Variants in DOCK3 observed in about 807,000 individuals in gnomAD.
DOCK3 encodes dedicator of cytokinesis protein 3.
In DOCK3, 60 loss-of-function variants were observed where a neutral mutation model predicts 265.6. The observed-to-expected ratio is 0.23, with a 90% CI of 0.18 to 0.28. DOCK3 has a LOEUF of 0.28. Among genes scored for constraint, DOCK3 ranks in the 10% least tolerant of loss-of-function variants. The pLI, the probability that DOCK3 is intolerant of heterozygous loss-of-function variation, is 1.00. For synonymous variants in DOCK3, 881 were observed against 938.0 expected, an observed-to-expected ratio of 0.94 and a Z score of 1.11; for missense variants, 1,981 against 2,594.3, an observed-to-expected ratio of 0.76 and a Z score of 5.14.
chr3:51,013,413 C>T (rs761943478), intron 5 of DOCK3, among the ~76,000 whole-genome samples: 9 of 152,206 alleles, frequency 5.9e-5, no homozygotes, highest in Non-Finnish European at 1.2e-4. Flanking sequence ...GGTCCCTCAG[C>T]TGCAGGTCTG....
At chr3:51,222,628 C>G (rs1429246157) in intron 14 of DOCK3, among the ~76,000 whole-genome samples, 1 of 152,184 alleles carries the variant, frequency 6.6e-6, no homozygotes, top group Non-Finnish European at 1.5e-5. Context: ...GAGAATAGTT[C>G]TAGTCTAGCT....
At position 50,935,688 on chromosome 3, in the gene DOCK3, G is replaced by T. The variant is rs62257822; in HGVS notation, c.315+1611G>T. 7.5e-3 allele frequency among the ~76,000 whole-genome samples: 1,138 copies of T among 152,262 alleles called. 2 individuals carry two copies. Among genetic ancestry groups the T allele is most frequent in the Non-Finnish European group, 0.013 (883 of 68,020 alleles). On this transcript the variant is annotated intron_variant, in intron 5 of 52. Coordinates refer to ENST00000266037, the MANE Select transcript of DOCK3 (RefSeq NM_004947.5). Reference sequence around the variant, plus strand: ...GCCCTGCTAAAATGAGGCAGTGCTTGTCCCCACCCAAACTCAAACTGAGGA... The same window carrying T: ...GCCCTGCTAAAATGAGGCAGTGCTTTTCCCCACCCAAACTCAAACTGAGGA...
At chr3:51,101,261 C>T (rs970562176) in intron 9 of DOCK3, among the ~76,000 whole-genome samples, 1 of 152,008 alleles carries the variant, frequency 6.6e-6, no homozygotes, top group Non-Finnish European at 1.5e-5. Context: ...GCTGGGACTA[C>T]AGGCGCCCGC....
In DOCK3 at chr3:51,041,175, TA is replaced by T. The variant is rs1559977281; in HGVS notation, c.316-23272del. Among the ~76,000 whole-genome samples, 71 of 11,102 alleles carry T rather than the reference TA, an allele frequency of 6.4e-3. 1 individual carries two copies. The highest frequency in any genetic ancestry group is 0.019 in the African/African-American group (66 of 3,546). 7.3% of individuals were successfully genotyped at this position (11,102 alleles called of 152,430 possible). ...GCCTTACAAAATGTATATATATATA[TA>T]TATATATATATATATATATATATAT... On this transcript the variant is annotated intron_variant, in intron 5 of 52. Coordinates refer to ENST00000266037, the MANE Select transcript of DOCK3 (RefSeq NM_004947.5).
rs1382879503 is a variant in DOCK3 at position 51,289,560 on chromosome 3, G to C, written c.2922+9356G>C. ...AAACAGCACTAGTAAATAAGTCCTT[G>C]CCTATCGGTAATTACTTTGAATGTA... On this transcript the variant is annotated intron_variant, in intron 27 of 52. Transcript: ENST00000266037. 2.6e-5 allele frequency among the ~76,000 whole-genome samples: 4 copies of C among 151,922 alleles called. No homozygotes were observed. In the South Asian group the frequency reaches 8.3e-4, roughly 31 times the overall value.
intron 6 of DOCK3, among the ~76,000 whole-genome samples, chr3:51,074,047 CTG>C (rs1310608248): frequency 3.9e-5 from 6 of 152,132 alleles, no homozygotes; most frequent in African/African-American, 1.2e-4. Flanking sequence ...ATAGATTTAG[CTG>C]TGCTAGCATG....
intron 22 of DOCK3, among the ~76,000 whole-genome samples, chr3:51,258,365 A>T (rs2079662830): frequency 6.6e-6 from 1 of 152,132 alleles, no homozygotes; most frequent in Admixed American, 6.5e-5. Flanking sequence ...TCCTTCCTGC[A>T]TCTTCCGGGG....
chr3:50,775,192 T>A (rs968311289), intron 1 of DOCK3, among the ~76,000 whole-genome samples: 12 of 152,086 alleles, frequency 7.9e-5, no homozygotes, highest in Non-Finnish European at 1.5e-4. Flanking sequence ...TTATTTATGA[T>A]TGGTGTTATT....
At chr3:51,006,097 G>A (rs34926239) in intron 5 of DOCK3, among the ~76,000 whole-genome samples, 4,363 of 152,118 alleles carry the variant, frequency 0.029, 94 homozygotes, top group Middle Eastern at 0.1. Context: ...TGTCTTTCCA[G>A]TTCTGTCTGC....
At chr3:51,085,051 G>A (rs930494844) in intron 7 of DOCK3, among the ~76,000 whole-genome samples, 11 of 152,022 alleles carry the variant, frequency 7.2e-5, no homozygotes, top group Admixed American at 7.2e-4. Context: ...AGAGAAAATG[G>A]ACTTTACATC....
At chr3:51,073,693 AT>A (rs918087857) in intron 6 of DOCK3, among the ~76,000 whole-genome samples, 4 of 152,270 alleles carry the variant, frequency 2.6e-5, no homozygotes, top group South Asian at 2.1e-4. Context: ...TTAAAAACTC[AT>A]TTTTTTAATT....
At chr3:50,690,842 T>G (rs192005202) in intron 1 of DOCK3, among the ~76,000 whole-genome samples, 1 of 151,754 alleles carries the variant, frequency 6.6e-6, no homozygotes, top group East Asian at 2.0e-4. Context: ...GGGGTTTCAC[T>G]ATGTTCGCCA....
chr3:51,101,097 G>A (rs1560063013), intron 9 of DOCK3, among the ~76,000 whole-genome samples: 1 of 148,264 alleles, frequency 6.7e-6, no homozygotes, highest in Non-Finnish European at 1.5e-5. Flanking sequence ...GAGCTACCAT[G>A]CTCGGCTTAG....
At chr3:50,746,015 C>T (rs1364607219) in intron 1 of DOCK3, among the ~76,000 whole-genome samples, 7 of 151,926 alleles carry the variant, frequency 4.6e-5, no homozygotes, top group Non-Finnish European at 1.0e-4. Context: ...CAGATATATA[C>T]TTTGCAAAGA....
chr3:51,319,396 T>TAA (rs10709692), intron 32 of DOCK3, among the ~76,000 whole-genome samples: 4 of 142,074 alleles, frequency 2.8e-5, no homozygotes, highest in East Asian at 2.1e-4. Flanking sequence ...CAACACTTGA[T>TAA]AAAAAAAAAA....
At chr3:50,850,122 T>G (rs1359140119) in intron 3 of DOCK3, among the ~76,000 whole-genome samples, 1 of 151,958 alleles carries the variant, frequency 6.6e-6, no homozygotes, top group Non-Finnish European at 1.5e-5. Flanking sequence ...GGCTCACACC[T>G]GTAATCCCAG....
chr3:50,840,973 C>T (rs926768295), intron 2 of DOCK3, among the ~76,000 whole-genome samples: 1 of 152,160 alleles, frequency 6.6e-6, no homozygotes, highest in African/African-American at 2.4e-5. Context: ...CATCAGCAAT[C>T]TCTTCTTTAT....
chr3:50,806,453 T>C (rs2043423291), intron 2 of DOCK3, among the ~76,000 whole-genome samples: 1 of 151,566 alleles, frequency 6.6e-6, no homozygotes, highest in South Asian at 2.1e-4. Context: ...GCTGTGGCCA[T>C]GTAGCCAGGC....
At chr3:50,937,229 A>G (rs1438101975) in intron 5 of DOCK3, among the ~76,000 whole-genome samples, 1 of 143,568 alleles carries the variant, frequency 7.0e-6, no homozygotes, top group Non-Finnish European at 1.5e-5. Context: ...GTAAGCCAAG[A>G]TTGTGCCATT....
Sources: allele counts gnomAD v4.1 joint callset (sites outside exome capture counted in the v4.1 genomes callset), GRCh38; gene constraint gnomAD v4.1.1; transcripts MANE v1.5; gene names NCBI Gene and HGNC (gene_info 2026-07-23, HGNC 2026-07-21).